DAB1: variants seen among roughly 807,000 people sequenced by gnomAD.
DAB1 encodes the protein disabled homolog 1.
DAB1 carries 15 observed loss-of-function variants against 64.6 expected under a neutral mutation model. The ratio of observed to expected loss-of-function variants is 0.23; its 90% CI spans 0.16 to 0.36. The LOEUF (loss-of-function observed/expected upper bound fraction) is 0.36. DAB1 is among the 10% of genes least tolerant of loss of function. The pLI is 1.00. For missense variants in DAB1, 596 were observed against 706.7 expected, an observed-to-expected ratio of 0.84 and a Z score of 1.78; for synonymous variants, 235 against 251.9, an observed-to-expected ratio of 0.93 and a Z score of 0.64.
At chr1:58,044,410 T>C (rs1204504814) in intron 5 of DAB1, among the ~76,000 whole-genome samples, 3 of 151,914 alleles carry the variant, frequency 2.0e-5, no homozygotes, top group Non-Finnish European at 1.5e-5. Flanking sequence ...CTTTGACTTG[T>C]CTGAATATCA....
chr1:57,670,368 G>A (rs568362269), intron 6 of DAB1, among the ~76,000 whole-genome samples: 1 of 152,218 alleles, frequency 6.6e-6, no homozygotes, highest in African/African-American at 2.4e-5. Flanking sequence ...AAACTCCTAT[G>A]GAGCAGAGCC....
At chr1:58,372,945 C>A (rs996567032) in intron 3 of DAB1, among the ~76,000 whole-genome samples, 1 of 152,008 alleles carries the variant, frequency 6.6e-6, no homozygotes, top group Admixed American at 6.6e-5. Flanking sequence ...GGTAGCATCT[C>A]TATAGCAATG....
At chr1:58,443,201 T>G (rs993609615) in intron 3 of DAB1, among the ~76,000 whole-genome samples, 1 of 152,174 alleles carries the variant, frequency 6.6e-6, no homozygotes, top group Admixed American at 6.5e-5. Flanking sequence ...CACACATGCT[T>G]TTCCCTCATA....
At chr1:57,655,061 G>T (rs1335209274) in intron 6 of DAB1, among the ~76,000 whole-genome samples, 1 of 152,142 alleles carries the variant, frequency 6.6e-6, no homozygotes, top group East Asian at 1.9e-4. Flanking sequence ...ACTACACACA[G>T]TCTGTTTTGG....
intron 7 of DAB1, among the ~76,000 whole-genome samples, chr1:57,576,878 G>A (rs17116037): frequency 0.018 from 2,671 of 152,274 alleles, 65 homozygotes; most frequent in African/African-American, 0.043. Context: ...GCCCTCGGCC[G>A]CTTGCCACAT....
At chr1:57,853,198 A>G (rs1376160996) in intron 1 of DAB1, among the ~76,000 whole-genome samples, 1 of 152,094 alleles carries the variant, frequency 6.6e-6, no homozygotes. Context: ...AGAAGCTTAG[A>G]AAAGGGTTAT....
In DAB1 at chr1:58,126,955, G is replaced by C. The variant is rs577523130; in HGVS notation, n.387+23556C>G. On this transcript the variant is annotated intron_variant and non_coding_transcript_variant, in intron 5 of 20. Coordinates refer to the DAB1 transcript ENST00000485760. The stretch of plus-strand genomic sequence containing the variant: ...TGTCTTTATAGCAGCATTATTTATA[G>C]TCATTTGGGTATATACCCAGTAATG... Among the ~76,000 whole-genome samples the C allele has an allele frequency of 3.5e-3, 508 of 145,814 alleles. 2 individuals are homozygous for C. Among genetic ancestry groups the C allele is most frequent in the Non-Finnish European group, 5.6e-3 (363 of 65,328 alleles).
chr1:57,640,489 A>C (rs1646115333), intron 7 of DAB1, among the ~76,000 whole-genome samples: 1 of 152,162 alleles, frequency 6.6e-6, no homozygotes, highest in African/African-American at 2.4e-5. Flanking sequence ...GTGACACAAG[A>C]AACCAAGCCC....
At chr1:57,087,040 G>C (rs1557695471) in intron 4 of DAB1, among the ~76,000 whole-genome samples, 1 of 152,204 alleles carries the variant, frequency 6.6e-6, no homozygotes, top group Non-Finnish European at 1.5e-5. Context: ...GTTTGGCAGA[G>C]GTAAGTGACT....
chr1:57,620,035 G>C (rs1190623226), intron 7 of DAB1, among the ~76,000 whole-genome samples: 1 of 152,128 alleles, frequency 6.6e-6, no homozygotes, highest in Non-Finnish European at 1.5e-5. Flanking sequence ...CGCCTTTACT[G>C]TATTTGTTAC....
At chr1:57,269,745 G>A (rs1406304997) in intron 2 of DAB1, among the ~76,000 whole-genome samples, 2 of 152,098 alleles carry the variant, frequency 1.3e-5, no homozygotes, top group East Asian at 1.9e-4. Flanking sequence ...AGACACCAGG[G>A]AGATGAGGAG....
intron 4 of DAB1, among the ~76,000 whole-genome samples, chr1:58,222,075 T>A (rs1329436937): frequency 1.3e-5 from 2 of 152,202 alleles, no homozygotes; most frequent in East Asian, 1.9e-4. Context: ...TAGGCTAAAA[T>A]GGTGATGACA....
intron 4 of DAB1, among the ~76,000 whole-genome samples, chr1:58,236,106 C>A (rs1385379646): frequency 4.7e-5 from 7 of 148,760 alleles, no homozygotes; most frequent in African/African-American, 9.9e-5. Flanking sequence ...TGCCCGCCCC[C>A]CCGCCCCACC....
chr1:58,110,106 T>C (rs1388312624), intron 5 of DAB1, among the ~76,000 whole-genome samples: 5 of 152,186 alleles, frequency 3.3e-5, no homozygotes, highest in African/African-American at 4.8e-5. Flanking sequence ...TTCTCCACAT[T>C]CAGGAAGCTG....
intron 7 of DAB1, among the ~76,000 whole-genome samples, chr1:57,535,154 T>C (rs935990047): frequency 6.6e-6 from 1 of 152,066 alleles, no homozygotes; most frequent in African/African-American, 2.4e-5. Context: ...TTTCCTAACC[T>C]CTTGAGGTTA....
chr1:57,241,470 C>T (rs1668490185), intron 2 of DAB1, among the ~76,000 whole-genome samples: 1 of 152,202 alleles, frequency 6.6e-6, no homozygotes, highest in South Asian at 2.1e-4. Context: ...AATAGACCAT[C>T]AGCCTCATTA....
intron 3 of DAB1, among the ~76,000 whole-genome samples, chr1:58,400,239 G>C (rs1362016312): frequency 6.6e-6 from 1 of 151,300 alleles, no homozygotes; most frequent in African/African-American, 2.4e-5. Context: ...GCAGAAGATG[G>C]CCATAGTAAT....
chr1:58,097,071 A>T (rs1332152164), intron 5 of DAB1, among the ~76,000 whole-genome samples: 1 of 152,202 alleles, frequency 6.6e-6, no homozygotes, highest in Non-Finnish European at 1.5e-5. Context: ...TTCATTCCAC[A>T]GTTATTTGTT....
chr1:57,661,763 T>C (rs899025051), intron 6 of DAB1, among the ~76,000 whole-genome samples: 2 of 152,248 alleles, frequency 1.3e-5, no homozygotes, highest in African/African-American at 2.4e-5. Flanking sequence ...TAAATAGTTA[T>C]GTTGTATTTT....
Sources: gnomAD v4.1 joint callset for allele counts (sites outside exome capture counted in the v4.1 genomes callset) on GRCh38, gnomAD v4.1.1 for gene constraint, MANE v1.5 for transcripts, NCBI Gene and HGNC (gene_info 2026-07-23, HGNC 2026-07-21) for gene names.